The following ZNF722 variants were observed in gnomAD, a reference collection of about 807,000 sequenced individuals.
ZNF722 encodes zinc finger protein 479 pseudogene.
the ZNF722 span, chr7:64,005,566 A>T: frequency 6.2e-4 from 505 of 810,684 alleles, 1 homozygote; most frequent in African/African-American, 7.5e-3. Context: ...GCCACATGGT[A>T]ACTGTGTTCA....
the ZNF722 span, chr7:64,015,532 T>G: frequency 6.2e-7 from 1 of 1,613,278 alleles, no homozygotes; most frequent in Non-Finnish European, 8.5e-7. Context: ...CCCTCAAACC[T>G]TACTAGACAT....
chr7:64,001,288 T>C, the ZNF722 span, among the ~76,000 whole-genome samples: 1 of 152,212 alleles, frequency 6.6e-6, no homozygotes, highest in African/African-American at 2.4e-5. Flanking sequence ...TGTTCTCTTA[T>C]CTGTGTCCAC....
the ZNF722 span, among the ~76,000 whole-genome samples, chr7:64,008,840 G>A: frequency 2.0e-5 from 3 of 152,246 alleles, no homozygotes; most frequent in African/African-American, 7.2e-5. Context: ...TGGGCAGTAT[G>A]GCCATTTTCA....
chr7:64,016,123 C>T, the ZNF722 span: 1 of 481,372 alleles, frequency 2.1e-6, no homozygotes, highest in African/African-American at 2.0e-5. Context: ...CCTTAATGAA[C>T]CCAAGAGAAT....
the ZNF722 span, among the ~76,000 whole-genome samples, chr7:64,003,317 A>G: frequency 5.3e-5 from 8 of 152,154 alleles, no homozygotes; most frequent in Non-Finnish European, 1.2e-4. Flanking sequence ...TTCAGTTATA[A>G]ACAACAAAAA....
the ZNF722 span, among the ~76,000 whole-genome samples, chr7:64,016,677 G>A: frequency 6.6e-6 from 1 of 152,076 alleles, no homozygotes; most frequent in African/African-American, 2.4e-5. Flanking sequence ...ATATTGGAGA[G>A]AACCCCTGAA....
At chr7:64,007,222 T>TGTGTGTG in the ZNF722 span, among the ~76,000 whole-genome samples, 6,629 of 131,662 alleles carry the variant, frequency 0.05, 205 homozygotes, top group Middle Eastern at 0.065. Context: ...ATTTGTGTGT[T>TGTGTGTG]TGTGTGTGTA....
the ZNF722 span, among the ~76,000 whole-genome samples, chr7:64,014,169 A>G: frequency 0.025 from 3,770 of 151,268 alleles, 139 homozygotes; most frequent in African/African-American, 0.086. Context: ...TACTTTTTTC[A>G]TACTTTAAAA....
At chr7:63,999,528 C>G in the ZNF722 span, among the ~76,000 whole-genome samples, 3 of 152,006 alleles carry the variant, frequency 2.0e-5, no homozygotes, top group East Asian at 5.8e-4. Context: ...TTATAAGTTG[C>G]GTGATGAAGG....
At chr7:64,004,425 A>ATATATATATATAT in the ZNF722 span, among the ~76,000 whole-genome samples, 9 of 61,110 alleles carry the variant, frequency 1.5e-4, no homozygotes, top group East Asian at 4.9e-4. Context: ...AAAAAAAAAA[A>ATATATATATATAT]ATATATATAT....
At chr7:64,013,576 A>C in the ZNF722 span, among the ~76,000 whole-genome samples, 3 of 151,926 alleles carry the variant, frequency 2.0e-5, no homozygotes, top group Non-Finnish European at 4.4e-5. Flanking sequence ...TCTACCCTAT[A>C]CTTCTTATTG....
At chr7:64,011,551 T>G in the ZNF722 span, among the ~76,000 whole-genome samples, 1 of 152,208 alleles carries the variant, frequency 6.6e-6, no homozygotes, top group Non-Finnish European at 1.5e-5. Context: ...GAAAATTCTT[T>G]TCTTTAAGAA....
At chr7:64,004,192 G>C in the ZNF722 span, among the ~76,000 whole-genome samples, 1 of 151,136 alleles carries the variant, frequency 6.6e-6, no homozygotes, top group East Asian at 1.9e-4. Flanking sequence ...TGTGAGGTCA[G>C]GAGTTCGAGG....
the ZNF722 span, among the ~76,000 whole-genome samples, chr7:64,004,410 T>TAAAAAA: frequency 5.0e-3 from 175 of 35,216 alleles, 5 homozygotes; most frequent in Middle Eastern, 0.017. Context: ...CTCTGTCTCT[T>TAAAAAA]AAAAAAAAAA....
At chr7:64,015,842 C>G in the ZNF722 span, 1 of 1,602,714 alleles carries the variant, frequency 6.2e-7, no homozygotes, top group Non-Finnish European at 8.5e-7. Flanking sequence ...AAGAATGTGA[C>G]AAAGCTTTTA....
At chr7:64,007,387 C>T in the ZNF722 span, among the ~76,000 whole-genome samples, 7 of 151,972 alleles carry the variant, frequency 4.6e-5, no homozygotes, top group Non-Finnish European at 8.8e-5. Flanking sequence ...GCTATCCCTC[C>T]CCCATCCCCC....
the ZNF722 span, chr7:64,006,143 C>A: frequency 1.4e-6 from 1 of 737,128 alleles, no homozygotes; most frequent in Non-Finnish European, 2.0e-6. Flanking sequence ...TCTATTAAAT[C>A]CTCTTTACTA....
At chr7:64,003,530 A>G in the ZNF722 span, among the ~76,000 whole-genome samples, 1 of 152,218 alleles carries the variant, frequency 6.6e-6, no homozygotes, top group Non-Finnish European at 1.5e-5. Flanking sequence ...CAGATCAAGC[A>G]CAGTGTCCAC....
At chr7:64,015,855 A>G in the ZNF722 span, 6 of 1,591,052 alleles carry the variant, frequency 3.8e-6, no homozygotes, top group South Asian at 2.2e-5. Flanking sequence ...AGCTTTTAAG[A>G]GGCATTCAAG....
Sources: gnomAD v4.1 joint callset for allele counts (sites outside exome capture counted in the v4.1 genomes callset) on GRCh38, gnomAD v4.1.1 for gene constraint, MANE v1.5 for transcripts, NCBI Gene and HGNC (gene_info 2026-07-23, HGNC 2026-07-21) for gene names.